The following GREB1L variants were observed in gnomAD, a reference collection of about 807,000 sequenced individuals.
GREB1L encodes GREB1 like retinoic acid receptor coactivator, also known as GREB1-like protein.
In GREB1L, 17 loss-of-function variants were observed where a neutral mutation model predicts 200.8. That is an observed-to-expected ratio of 0.08 (90% CI 0.06 to 0.13). GREB1L has a LOEUF of 0.13. Among genes scored for constraint, GREB1L ranks in the 10% least tolerant of loss-of-function variants. The pLI is 1.00. For missense variants in GREB1L, 1,657 were observed against 2,367.7 expected, an observed-to-expected ratio of 0.70 and a Z score of 6.23; for synonymous variants, 789 against 893.0, an observed-to-expected ratio of 0.88 and a Z score of 2.08.
chr18:21,499,978 C>T lies in GREB1L; in HGVS notation c.3641C>T (p.Pro1214Leu), dbSNP rs576675143. 28 of 1,551,468 alleles carry T rather than the reference C, an allele frequency of 1.8e-5. No individual in the cohort carries two copies. The highest frequency in any genetic ancestry group is 3.3e-4 in the Middle Eastern group (2 of 5,990). Residue 1214 changes from proline to leucine, a missense_variant, in exon 22 of 33, where the codon CCG (proline) becomes CTG (leucine). By Grantham distance (98) the Pro-to-Leu change is moderately conservative. Around this residue, in one of 9 missense-constraint regions of GREB1L, gnomAD observed 512 missense variants for 668.3 expected, o/e 0.77. Transcript: ENST00000424526. ...SSSGPRTLPW[P>L]GQPIRGCRGP... is the part of the protein sequence containing the mutation. ...TCAGGACCCAGGACCCTCCCATGGCCGGGACAGCCCATCAGAGGCTGCCGG... is the reference window on the plus strand; with the variant it reads ...TCAGGACCCAGGACCCTCCCATGGCTGGGACAGCCCATCAGAGGCTGCCGG...
At chr18:21,336,176 T>A (rs2039182726) in intron 1 of GREB1L, among the ~76,000 whole-genome samples, 1 of 152,138 alleles carries the variant, frequency 6.6e-6, no homozygotes, top group Non-Finnish European at 1.5e-5. Flanking sequence ...GCCAACTCTG[T>A]TCATTTGTAA....
chr18:21,341,100 C>CAG (rs1191613216), intron 1 of GREB1L, among the ~76,000 whole-genome samples: 1 of 152,162 alleles, frequency 6.6e-6, no homozygotes, highest in Non-Finnish European at 1.5e-5. Flanking sequence ...TCTTGGCTTT[C>CAG]AGAGCAGTAA....
intron 16 of GREB1L, among the ~76,000 whole-genome samples, chr18:21,473,568 CAA>C (rs1261372851): frequency 1.1e-4 from 5 of 46,646 alleles, no homozygotes; most frequent in African/African-American, 1.8e-4. Context: ...GACTTTGTCT[CAA>C]AAAAAAAAAA....
At chr18:21,374,259 C>G (rs1377477227) in intron 2 of GREB1L, among the ~76,000 whole-genome samples, 1 of 152,182 alleles carries the variant, frequency 6.6e-6, no homozygotes, top group Non-Finnish European at 1.5e-5. Context: ...CTGCCTTGGC[C>G]TCCCAAATTG....
At chr18:21,476,694 G>A (rs376724784) in intron 16 of GREB1L, among the ~76,000 whole-genome samples, 1 of 151,556 alleles carries the variant, frequency 6.6e-6, no homozygotes, top group African/African-American at 2.4e-5. Context: ...TTAGCCTCCC[G>A]AGTAGCTAGG....
chr18:21,274,300 C>G (rs1205262843), intron 1 of GREB1L, among the ~76,000 whole-genome samples: 1 of 152,132 alleles, frequency 6.6e-6, no homozygotes, highest in East Asian at 1.9e-4. Flanking sequence ...ACTCCTAAAA[C>G]CATCACCTTG....
intron 4 of GREB1L, 130 bp downstream of exon 4, chr18:21,384,533 A>T (rs2040457351): frequency 1.4e-6 from 1 of 714,532 alleles, no homozygotes; most frequent in Non-Finnish European, 2.3e-6. Flanking sequence ...AGAAATGATT[A>T]TGCTCTCATT....
Position 21,441,477 on chromosome 18 carries a change from A to G in GREB1L, c.1147A>G (p.Thr383Ala), listed in dbSNP as rs1227954100. 1.3e-6 allele frequency: 2 copies of G among 1,551,668 alleles called. No homozygotes were observed. Among genetic ancestry groups the G allele is most frequent in the Non-Finnish European group, 1.7e-6 (2 of 1,146,850 alleles). Residue 383 changes from threonine to alanine, a missense_variant, in exon 10 of 33, where the codon ACT (threonine) becomes GCT (alanine). Around this residue, in one of 9 missense-constraint regions of GREB1L, gnomAD observed 289 missense variants for 345.1 expected, o/e 0.84. Coordinates refer to ENST00000424526, the MANE Select transcript of GREB1L (RefSeq NM_001142966.3). The stretch of plus-strand genomic sequence containing the variant: ...ACCCAGGCCCATTCCTGCAGGGGAA[A>G]CTGTAATTGTTCCTGAAAACCTGCT... ...LQPRPIPAGETVIVPENLLSN... is the reference protein window; with the variant it reads ...LQPRPIPAGEAVIVPENLLSN...
At chr18:21,438,118 A>G (rs1568010888) in intron 7 of GREB1L, among the ~76,000 whole-genome samples, 1 of 152,042 alleles carries the variant, frequency 6.6e-6, no homozygotes. Context: ...AGAAAAAAAT[A>G]CAAAAATTAG....
Position 21,473,013 on chromosome 18 carries a change from CT to C in GREB1L, c.2183-12del, listed in dbSNP as rs779285743. The C allele has an allele frequency of 6.7e-7, 1 of 1,498,274 alleles. No individual in the cohort carries two copies. Among genetic ancestry groups the C allele is most frequent in the African/African-American group, 1.4e-5 (1 of 71,334 alleles). 92.8% of individuals were successfully genotyped at this position (1,498,274 alleles called of 1,614,324 possible). A position where few individuals can be genotyped will look rare whatever the true frequency, so the allele number is the denominator to read the frequency against. On this transcript the variant is annotated splice_polypyrimidine_tract_variant and intron_variant, in intron 15 of 32. Coordinates refer to ENST00000424526, the MANE Select transcript of GREB1L (RefSeq NM_001142966.3). ...GTGTAAAAGTGTGTTAAAAGATGAACTTTTTTCTTCTTGGCAGGTGTCCTTG... is the reference window on the plus strand; with the variant it reads ...GTGTAAAAGTGTGTTAAAAGATGAACTTTTTCTTCTTGGCAGGTGTCCTTG...
chr18:21,416,356 T>C (rs186807437), intron 7 of GREB1L, among the ~76,000 whole-genome samples: 192 of 152,136 alleles, frequency 1.3e-3, no homozygotes, highest in Admixed American at 2.6e-3. Flanking sequence ...AGACAAAATA[T>C]GTATTTGGAG....
chr18:21,473,377 C>T (rs922351301), intron 16 of GREB1L, among the ~76,000 whole-genome samples, 166 bp downstream of exon 16: 1 of 152,002 alleles, frequency 6.6e-6, no homozygotes, highest in African/African-American at 2.4e-5. Flanking sequence ...AGAGACCAGC[C>T]TGGCCAACAT....
intron 7 of GREB1L, among the ~76,000 whole-genome samples, chr18:21,410,982 A>C (rs1368003712): frequency 1.3e-5 from 2 of 152,112 alleles, no homozygotes; most frequent in Non-Finnish European, 1.5e-5. Context: ...AAAACAAAAA[A>C]AAAGAATACT....
intron 3 of GREB1L, 23 bp from the exon 4 acceptor site, chr18:21,384,183 C>T (rs1381906303): frequency 7.0e-7 from 1 of 1,435,702 alleles, no homozygotes. Flanking sequence ...ATTAAATCTG[C>T]TGTGATTTAT....
chr18:21,447,395 A>G (rs1355028077), intron 11 of GREB1L, among the ~76,000 whole-genome samples: 1 of 152,246 alleles, frequency 6.6e-6, no homozygotes, highest in African/African-American at 2.4e-5. Context: ...TACCTCATTT[A>G]AACTTAATAC....
At chr18:21,521,684 A>T (rs1422179018) in intron 32 of GREB1L, among the ~76,000 whole-genome samples, 1 of 151,982 alleles carries the variant, frequency 6.6e-6, no homozygotes, top group Non-Finnish European at 1.5e-5. Flanking sequence ...AGACTGCAGG[A>T]TGTTTAGATT....
At position 21,327,650 on chromosome 18, in the gene GREB1L, T is replaced by TA. The variant is rs991888884; in HGVS notation, c.-119-38364dup. ...TCTTCAAGGACTCCCTTTTATCTGT[T>TA]AAAAAAAAAAAAAGGAAGAAAGAAG... is the stretch of plus-strand genomic sequence containing the variant. On this transcript the variant is annotated intron_variant, in intron 1 of 32. Transcript: ENST00000424526. Among the ~76,000 whole-genome samples the TA allele has an allele frequency of 7.0e-3, 946 of 135,506 alleles. 4 individuals are homozygous for TA. Among genetic ancestry groups the TA allele is most frequent in the African/African-American group, 0.017 (635 of 37,018 alleles). The allele number at this position is 135,506 out of a possible 152,430, so 88.9% of individuals were successfully genotyped here. A position where few individuals can be genotyped will look rare whatever the true frequency, so the allele number is the denominator to read the frequency against.
chr18:21,506,086 C>A, intron 25 of GREB1L, 137 bp downstream of exon 25: 1 of 948,212 alleles, frequency 1.1e-6, no homozygotes, highest in Non-Finnish European at 1.5e-6. Context: ...AAGAAGGAGC[C>A]ACTCATTGGT....
chr18:21,373,211 G>A (rs1218185461), intron 2 of GREB1L, among the ~76,000 whole-genome samples: 1 of 152,084 alleles, frequency 6.6e-6, no homozygotes, highest in Non-Finnish European at 1.5e-5. Flanking sequence ...GTGACAGCGG[G>A]ATCTCTCCAT....
Sources: gnomAD v4.1 joint callset for allele counts (sites outside exome capture counted in the v4.1 genomes callset) on GRCh38, gnomAD v4.1.1 for gene constraint, gnomAD v4.1.1 regional missense constraint, MANE v1.5 for transcripts, NCBI Gene and HGNC (gene_info 2026-07-23, HGNC 2026-07-21) for gene names.